The following FCGR2A variants were observed in gnomAD, a reference collection of about 807,000 sequenced individuals.
FCGR2A encodes the protein low affinity immunoglobulin gamma Fc region receptor II-a.
In FCGR2A, 18 loss-of-function variants were observed where a neutral mutation model predicts 29.3. That is an observed-to-expected ratio of 0.62 (90% CI 0.43 to 0.91). The LOEUF is 0.91. Ranked by LOEUF, FCGR2A falls within the 40% of genes least tolerant of loss-of-function variation. FCGR2A has a pLI of 0.00. For missense variants in FCGR2A, 287 were observed against 393.0 expected, an observed-to-expected ratio of 0.73 and a Z score of 2.28; for synonymous variants, 126 against 144.8, an observed-to-expected ratio of 0.87 and a Z score of 0.93.
chr1:161,513,759 T>G, intron 5 of FCGR2A, 136 bp from the exon 6 acceptor site: 1 of 1,277,150 alleles, frequency 7.8e-7, no homozygotes, highest in Non-Finnish European at 1.1e-6. Context: ...ACTTAGCCCT[T>G]GGCCTTACAG....
At position 161,513,913 on chromosome 1, in the gene FCGR2A, T is replaced by C. The variant is rs373636398; in HGVS notation, c.761T>C (p.Val254Ala). The change falls in exon 6 of 7, where the codon GTG (valine) becomes GCG (alanine). Residue 254 changes from valine (V) to alanine (A), a missense_variant. Val to Ala is a moderately conservative substitution (Grantham distance 64). This residue lies in a region of FCGR2A where 72 missense variants were observed against 68.6 expected (regional missense o/e 1.05). Transcript: ENST00000271450. ...CCCACAGCCAATTCCACTGATCCTG[T>C]GAAGGCTGCCCAATTTGAGGTGAGT... ...KRISANSTDP[V>A]KAAQFEPPGR... The C allele has an allele frequency of 8.7e-6, 14 of 1,614,146 alleles. No homozygotes were observed. The highest frequency in any genetic ancestry group is 1.3e-5 in the African/African-American group (1 of 74,944).
rs437013 is a variant in FCGR2A at position 161,517,245 on chromosome 1, A to G, written c.781-730A>G. ...TAGCACCCCAAAATAGAAGTTCTTGATATCTTAACAGCTTAACAAGGAGGA... is the reference window on the plus strand; with the variant it reads ...TAGCACCCCAAAATAGAAGTTCTTGGTATCTTAACAGCTTAACAAGGAGGA... On this transcript the variant is annotated intron_variant, in intron 6 of 6. Transcript: ENST00000271450. Among the ~76,000 whole-genome samples, 42 of 152,168 alleles carry G rather than the reference A, an allele frequency of 2.8e-4. 1 individual carries two copies. Among genetic ancestry groups the G allele is most frequent in the South Asian group, 2.5e-3 (12 of 4,816 alleles).
At chr1:161,506,682 T>G in intron 3 of FCGR2A, 91 bp downstream of exon 3, 1 of 1,576,114 alleles carries the variant, frequency 6.3e-7, no homozygotes, top group African/African-American at 1.3e-5. Flanking sequence ...AGAGTGGGCG[T>G]GGACTGCTTA....
At chr1:161,506,845 C>A in intron 3 of FCGR2A, 1 of 663,208 alleles carries the variant, frequency 1.5e-6, no homozygotes, top group South Asian at 2.2e-5. Context: ...AAGGGGGTTA[C>A]GAGGCCACAA....
intron 5 of FCGR2A, chr1:161,513,525 G>T: frequency 2.6e-6 from 1 of 387,614 alleles, no homozygotes. Flanking sequence ...TCTTCCTGAT[G>T]TGGTCAGCAA....
rs368359610 is a variant in FCGR2A, at chr1:161,506,535, C to G, written c.308C>G (p.Thr103Arg). 3 of 1,614,062 alleles carry G rather than the reference C, an allele frequency of 1.9e-6. No individual in the cohort carries two copies. Among genetic ancestry groups the G allele is most frequent in the East Asian group, 2.2e-5 (1 of 44,892 alleles). The change falls in exon 3 of 7, where the codon ACG becomes AGG. Residue 103 changes from threonine (T) to arginine (R), a missense_variant. This residue lies in a region of FCGR2A where 181 missense variants were observed against 250.9 expected (regional missense o/e 0.72). Transcript: ENST00000271450. The stretch of plus-strand genomic sequence containing the variant: ...AACAACAATGACAGCGGGGAGTACA[C>G]GTGCCAGACTGGCCAGACCAGCCTC... ...KANNNDSGEY[T>R]CQTGQTSLSD...
At chr1:161,510,252 T>C (rs758282162) in intron 4 of FCGR2A, 178 bp downstream of exon 4, 82 of 1,160,046 alleles carry the variant, frequency 7.1e-5, no homozygotes, top group Admixed American at 1.0e-4. Flanking sequence ...GGCCAGAGCT[T>C]GGAGCCCTCA....
chr1:161,512,968 G>A (rs1675903837), intron 5 of FCGR2A, among the ~76,000 whole-genome samples: 1 of 152,186 alleles, frequency 6.6e-6, no homozygotes, highest in Admixed American at 6.5e-5. Flanking sequence ...GCCAGGCATG[G>A]GGGCTGCATA....
intron 1 of FCGR2A, 134 bp from the exon 2 acceptor site, chr1:161,505,853 C>A: frequency 1.1e-6 from 1 of 870,858 alleles, no homozygotes; most frequent in African/African-American, 1.7e-5. Flanking sequence ...AAAAGATCAA[C>A]TGGAAACAGG....
At chr1:161,511,679 TC>T (rs147332268) in intron 5 of FCGR2A, among the ~76,000 whole-genome samples, 1,981 of 152,222 alleles carry the variant, frequency 0.013, 43 homozygotes, top group African/African-American at 0.045. Context: ...CCTGAGCTGG[TC>T]CCATCCAATC....
At chr1:161,515,623 C>G (rs1345027672) in intron 6 of FCGR2A, among the ~76,000 whole-genome samples, 1 of 151,926 alleles carries the variant, frequency 6.6e-6, no homozygotes, top group African/African-American at 2.4e-5. Context: ...AGCAAAATGA[C>G]TCATCAAAAA....
intron 5 of FCGR2A, among the ~76,000 whole-genome samples, chr1:161,511,808 T>TC (rs1481521258): frequency 6.6e-6 from 1 of 152,170 alleles, no homozygotes; most frequent in African/African-American, 2.4e-5. Context: ...GGAGAGACCC[T>TC]CCCTGAGAAA....
chr1:161,523,417 C>T (rs4657053), downstream of FCGR2A: 73,748 of 151,864 alleles, frequency 0.49, 18,459 homozygotes, highest in African/African-American at 0.62. Context: ...GAACCCATCT[C>T]GTCCTCCAGC....
In FCGR2A at chr1:161,505,968, ACT is replaced by A. The variant is rs1198284932; in HGVS notation, c.86-14_86-13del. On this transcript the variant is annotated splice_polypyrimidine_tract_variant and intron_variant, in intron 1 of 6. Coordinates refer to ENST00000271450, the MANE Select transcript of FCGR2A (RefSeq NM_001136219.3). ...GTGTTCTCCTGCTCGACGTTGATCCACTCTCTTCTCTTTTACAGCTTCTGCAG... is the reference window on the plus strand; with the variant it reads ...GTGTTCTCCTGCTCGACGTTGATCCACTCTTCTCTTTTACAGCTTCTGCAG... 6.2e-7 allele frequency: 1 copy of A among 1,613,582 alleles called. No homozygotes were observed. The highest frequency in any genetic ancestry group is 8.5e-7 in the Non-Finnish European group (1 of 1,179,736).
intron 6 of FCGR2A, among the ~76,000 whole-genome samples, chr1:161,516,410 G>A (rs1459632205): frequency 1.3e-5 from 2 of 152,008 alleles, no homozygotes; most frequent in Admixed American, 1.3e-4. Context: ...AATTGGGCAA[G>A]TCCTTGGCTT....
At chr1:161,521,339 G>A (rs924083683), downstream of FCGR2A, among the ~76,000 whole-genome samples, 15 of 152,082 alleles carry the variant, frequency 9.9e-5, no homozygotes, top group South Asian at 6.2e-4. Context: ...AAATATGTGC[G>A]GAATGAGTAA....
intron 5 of FCGR2A, among the ~76,000 whole-genome samples, chr1:161,511,444 A>G (rs1207761933): frequency 6.6e-6 from 1 of 152,228 alleles, no homozygotes; most frequent in African/African-American, 2.4e-5. Context: ...ATAAGTAAAT[A>G]CAGAGAAACA....
downstream of FCGR2A, among the ~76,000 whole-genome samples, chr1:161,520,446 C>A (rs1676408562): frequency 6.6e-6 from 1 of 151,890 alleles, no homozygotes; most frequent in African/African-American, 2.4e-5. Context: ...GACCCAGTTA[C>A]CTCCACCTGG....
intron 5 of FCGR2A, among the ~76,000 whole-genome samples, chr1:161,511,522 T>C (rs1288541652): frequency 3.3e-5 from 5 of 152,170 alleles, no homozygotes; most frequent in African/African-American, 1.2e-4. Flanking sequence ...CTCAGACAGA[T>C]GCCATGGCGT....
Sources: allele counts gnomAD v4.1 joint callset (sites outside exome capture counted in the v4.1 genomes callset), GRCh38; gene constraint gnomAD v4.1.1; regional missense constraint gnomAD v4.1.1; transcripts MANE v1.5; gene names NCBI Gene and HGNC (gene_info 2026-07-23, HGNC 2026-07-21).